The following TASP1 variants were observed in gnomAD, a reference collection of about 807,000 sequenced individuals.
TASP1 encodes the protein threonine aspartase 1.
Under a neutral mutation model 56.6 loss-of-function variants are expected in TASP1, and 16 were observed. The observed-to-expected ratio is 0.28, with a 90% CI of 0.19 to 0.43. The LOEUF is 0.43. Among genes scored for constraint, TASP1 ranks in the 20% least tolerant of loss-of-function variants. TASP1 has a pLI of 1.00. For synonymous variants in TASP1, 179 were observed against 184.2 expected, an observed-to-expected ratio of 0.97 and a Z score of 0.23; for missense variants, 393 against 511.6, an observed-to-expected ratio of 0.77 and a Z score of 2.24.
chr20:13,243,976 T>TG, the TASP1 span: 3 of 152,210 alleles, frequency 2.0e-5, no homozygotes, highest in African/African-American at 7.2e-5. Context: ...TCAATGCTCA[T>TG]GGTATTTGCA....
At chr20:13,169,501 A>G in the TASP1 span, among the ~76,000 whole-genome samples, 1 of 152,174 alleles carries the variant, frequency 6.6e-6, no homozygotes, top group Non-Finnish European at 1.5e-5. Flanking sequence ...TTCCATGGAA[A>G]CTGGGCAACT....
intron 11 of TASP1, among the ~76,000 whole-genome samples, chr20:13,439,823 T>C (rs1034259529): frequency 1.3e-5 from 2 of 152,018 alleles, no homozygotes; most frequent in Non-Finnish European, 2.9e-5. Flanking sequence ...AATATGTGAA[T>C]AACAGGAGTT....
chr20:13,394,561 A>G (rs866100127), intron 13 of TASP1, among the ~76,000 whole-genome samples: 1 of 152,040 alleles, frequency 6.6e-6, no homozygotes, highest in Non-Finnish European at 1.5e-5. Flanking sequence ...GCAGTAAGCC[A>G]AGATCGCGCC....
the TASP1 span, among the ~76,000 whole-genome samples, chr20:13,255,271 A>G: frequency 1.3e-5 from 2 of 152,178 alleles, no homozygotes; most frequent in Non-Finnish European, 2.9e-5. Flanking sequence ...GAATTTGAAA[A>G]AATGGATAAA....
rs1040901561 is a variant in TASP1, at chr20:13,432,044, T to A, written c.1096+3000A>T. 2.0e-5 allele frequency among the ~76,000 whole-genome samples: 3 copies of A among 152,214 alleles called. No individual in the cohort carries two copies. In the South Asian group the frequency reaches 6.2e-4, roughly 32 times the overall value. The stretch of plus-strand genomic sequence containing the variant: ...TATTCTGTTAGTTTTAGGTATTCTG[T>A]TATAAGCAATAGAAACAGACTAACA... On this transcript the variant is annotated intron_variant, in intron 12 of 13. Transcript: ENST00000337743.
At chr20:13,178,605 A>T in the TASP1 span, among the ~76,000 whole-genome samples, 2 of 152,040 alleles carry the variant, frequency 1.3e-5, no homozygotes, top group South Asian at 4.1e-4. Context: ...GGCAACATAG[A>T]GGGAACTCAA....
chr20:13,332,345 T>A, the TASP1 span, among the ~76,000 whole-genome samples: 1 of 152,128 alleles, frequency 6.6e-6, no homozygotes, highest in Admixed American at 6.5e-5. Flanking sequence ...TTCCACAGTC[T>A]CCCTCTTGAC....
intron 10 of TASP1, among the ~76,000 whole-genome samples, chr20:13,492,684 C>A (rs2043578553): frequency 6.6e-6 from 1 of 152,148 alleles, no homozygotes; most frequent in African/African-American, 2.4e-5. Context: ...TAGCGTTTCC[C>A]AAATATTCAG....
intron 4 of TASP1, among the ~76,000 whole-genome samples, chr20:13,595,668 A>G (rs1193283368): frequency 6.6e-6 from 1 of 152,252 alleles, no homozygotes; most frequent in African/African-American, 2.4e-5. Flanking sequence ...TTCAACAAAA[A>G]GAGCTAACTA....
At chr20:13,612,000 T>C (rs574400159) in intron 4 of TASP1, among the ~76,000 whole-genome samples, 6 of 152,344 alleles carry the variant, frequency 3.9e-5, no homozygotes, top group African/African-American at 1.4e-4. Flanking sequence ...CTTCTTCAGA[T>C]GCAAAATCTA....
At chr20:13,270,142 A>C in the TASP1 span, among the ~76,000 whole-genome samples, 1 of 152,258 alleles carries the variant, frequency 6.6e-6, no homozygotes, top group Non-Finnish European at 1.5e-5. Context: ...ACTAAAGCCA[A>C]GGTGGTTAAT....
At chr20:13,416,200 T>C (rs2042248062) in intron 13 of TASP1, among the ~76,000 whole-genome samples, 1 of 152,202 alleles carries the variant, frequency 6.6e-6, no homozygotes, top group South Asian at 2.1e-4. Context: ...TATAAAATGT[T>C]TACATCACAC....
chr20:13,245,283 G>A, the TASP1 span: 2 of 152,190 alleles, frequency 1.3e-5, no homozygotes, highest in African/African-American at 4.8e-5. Flanking sequence ...CTACAGTAAA[G>A]GTAGCCCTCA....
intron 10 of TASP1, among the ~76,000 whole-genome samples, chr20:13,502,726 T>C (rs954109430): frequency 1.3e-5 from 2 of 152,104 alleles, no homozygotes; most frequent in African/African-American, 4.8e-5. Context: ...ATAAGCAAGA[T>C]GGTGGAATAG....
At chr20:13,247,517 G>GGTGTGT in the TASP1 span, among the ~76,000 whole-genome samples, 1,740 of 139,862 alleles carry the variant, frequency 0.012, 19 homozygotes, top group African/African-American at 0.018. Flanking sequence ...CAAAGTGAGG[G>GGTGTGT]GTGTGTGTGT....
intron 1 of TASP1, among the ~76,000 whole-genome samples, chr20:13,636,364 T>C (rs2049310601): frequency 6.6e-6 from 1 of 151,090 alleles, no homozygotes; most frequent in Non-Finnish European, 1.5e-5. Flanking sequence ...TTCACTATGT[T>C]GGTCAGGCTG....
At chr20:13,483,622 A>C (rs1194735538) in intron 10 of TASP1, among the ~76,000 whole-genome samples, 1 of 151,904 alleles carries the variant, frequency 6.6e-6, no homozygotes, top group East Asian at 1.9e-4. Flanking sequence ...AGGCACTAAC[A>C]AAAAAAATCC....
chr20:13,589,476 C>G (rs113554316), intron 4 of TASP1, among the ~76,000 whole-genome samples: 2,288 of 152,176 alleles, frequency 0.015, 37 homozygotes, highest in African/African-American at 0.039. Context: ...TGGACCAAAG[C>G]CCTGTATGTA....
intron 13 of TASP1, among the ~76,000 whole-genome samples, chr20:13,409,359 G>T (rs1228613211): frequency 6.6e-6 from 1 of 151,928 alleles, no homozygotes; most frequent in Non-Finnish European, 1.5e-5. Context: ...TTCCAACTAT[G>T]ACTACAGATT....
Sources: gnomAD v4.1 joint callset for allele counts (sites outside exome capture counted in the v4.1 genomes callset) on GRCh38, gnomAD v4.1.1 for gene constraint, MANE v1.5 for transcripts, NCBI Gene and HGNC (gene_info 2026-07-23, HGNC 2026-07-21) for gene names.